The following JCHAIN variants were observed in gnomAD, a reference collection of about 807,000 sequenced individuals.
The protein encoded by JCHAIN is immunoglobulin J chain.
A neutral mutation model predicts 11.1 loss-of-function variants in JCHAIN; 5 were observed. The observed-to-expected ratio is 0.45, with a 90% CI of 0.24 to 0.95. The LOEUF (loss-of-function observed/expected upper bound fraction) is 0.95, where lower values mean the gene tolerates loss of function less well. Ranked by LOEUF, JCHAIN falls within the 40% of genes least tolerant of loss-of-function variation. The pLI is 0.21. For missense variants in JCHAIN, 165 were observed against 192.7 expected (o/e 0.86, Z 0.85); for synonymous variants, 51 against 67.8 (o/e 0.75, Z 1.22).
At chr4:70,665,189 T>C (rs1395134629) in intron 1 of JCHAIN, among the ~76,000 whole-genome samples, 4 of 152,192 alleles carry the variant, frequency 2.6e-5, no homozygotes, top group African/African-American at 9.6e-5. Context: ...AATAGGATAG[T>C]AGGAGTGCGG....
intron 2 of JCHAIN, among the ~76,000 whole-genome samples, chr4:70,661,472 G>T (rs542636012): frequency 6.6e-6 from 1 of 152,248 alleles, no homozygotes; most frequent in Admixed American, 6.5e-5. Context: ...ACTGATCAAA[G>T]GCAACTGAAA....
chr4:70,656,575 A>AAATGCTGTC, intron 3 of JCHAIN, 36 bp from the exon 4 acceptor site: 1 of 1,487,118 alleles, frequency 6.7e-7, no homozygotes, highest in East Asian at 2.3e-5. Flanking sequence ...CAATCCCCTC[A>AAATGCTGTC]AATGCTGTCT....
At position 70,659,094 on chromosome 4, in the gene JCHAIN, CT is replaced by C. The variant is rs1340836652; in HGVS notation, c.189-1804del. On this transcript the variant is annotated intron_variant, in intron 2 of 3. Coordinates refer to ENST00000254801, the MANE Select transcript of JCHAIN (RefSeq NM_144646.4). ...AGGCTACTATAAGCCAAACACTGTTCTTTTATGAATTATTGTATTTAATCCT... is the reference window on the plus strand; with the variant it reads ...AGGCTACTATAAGCCAAACACTGTTCTTTATGAATTATTGTATTTAATCCT... Among the ~76,000 whole-genome samples the C allele has an allele frequency of 7.2e-5, 11 of 152,266 alleles. No homozygotes were observed. The East Asian group carries it at 2.1e-3, about 29-fold the overall frequency.
chr4:70,656,816 C>T (rs2303411), intron 3 of JCHAIN, among the ~76,000 whole-genome samples: 2 of 152,098 alleles, frequency 1.3e-5, no homozygotes, highest in East Asian at 3.9e-4. Flanking sequence ...AGGCTTATTC[C>T]CAACTGTATA....
At chr4:70,661,815 C>T (rs1739062150) in intron 2 of JCHAIN, among the ~76,000 whole-genome samples, 1 of 152,072 alleles carries the variant, frequency 6.6e-6, no homozygotes, top group Non-Finnish European at 1.5e-5. Context: ...ATAGAAATAA[C>T]TCCATATAAA....
Position 70,662,159 on chromosome 4 carries a change from T to C in JCHAIN, c.121A>G (p.Thr41Ala). Reference sequence around the variant, plus strand: ...TCGGAAGAACGGATGATCCTGGAAGTAATCCGGGCACACTTACATTTGTTG... The same window carrying C: ...TCGGAAGAACGGATGATCCTGGAAGCAATCCGGGCACACTTACATTTGTTG... ...VDNKCKCARI[T>A]SRIIRSSEDP... The change falls in exon 2 of 4, where the codon ACT becomes GCT. Residue 41 changes from threonine (T) to alanine (A), a missense_variant. Thr to Ala is a moderately conservative substitution (Grantham distance 58). Coordinates refer to ENST00000254801, the MANE Select transcript of JCHAIN (RefSeq NM_144646.4). 6.2e-7 allele frequency: 1 copy of C among 1,612,836 alleles called. No homozygotes were observed.
intron 2 of JCHAIN, among the ~76,000 whole-genome samples, chr4:70,657,907 T>G (rs1240372880): frequency 6.6e-6 from 1 of 152,162 alleles, no homozygotes; most frequent in Non-Finnish European, 1.5e-5. Flanking sequence ...AGCTGGAACT[T>G]TTTCATCGTG....
At position 70,656,076 on chromosome 4, in the gene JCHAIN, C is replaced by A; in HGVS notation, c.*253G>T. 2.4e-6 allele frequency: 1 copy of A among 409,484 alleles called. No homozygotes were observed. Among genetic ancestry groups the A allele is most frequent in the Non-Finnish European group, 4.4e-6 (1 of 229,468 alleles). The allele number at this position is 409,484 out of a possible 1,614,324, so 25.4% of individuals were successfully genotyped here. A position where few individuals can be genotyped will look rare whatever the true frequency, so the allele number is the denominator to read the frequency against. The stretch of plus-strand genomic sequence containing the variant: ...AAACTGTATTCCTAAGAGAGCATAC[C>A]TCTTTCAGGTGAGCATGATAATTGG... On this transcript the variant is annotated 3_prime_UTR_variant, in exon 4 of 4. Coordinates refer to ENST00000254801, the MANE Select transcript of JCHAIN (RefSeq NM_144646.4).
intron 3 of JCHAIN, among the ~76,000 whole-genome samples, 180 bp downstream of exon 3, chr4:70,657,031 A>G (rs371508096): frequency 6.6e-5 from 10 of 152,306 alleles, no homozygotes; most frequent in African/African-American, 2.4e-4. Flanking sequence ...TCTGTGACAA[A>G]GTTTTATGAA....
chr4:70,665,118 A>G (rs1739126793), intron 1 of JCHAIN, among the ~76,000 whole-genome samples: 1 of 152,206 alleles, frequency 6.6e-6, no homozygotes, highest in African/African-American at 2.4e-5. Flanking sequence ...TAGATTTAAC[A>G]ACATATGCTA....
chr4:70,662,309 T>C (rs1377084068), intron 1 of JCHAIN, 94 bp from the exon 2 acceptor site: 3 of 1,119,374 alleles, frequency 2.7e-6, no homozygotes, highest in Non-Finnish European at 3.8e-6. Flanking sequence ...TGCAGAAAAA[T>C]AGTTTTATGG....
chr4:70,661,289 T>G (rs16845346), intron 2 of JCHAIN, among the ~76,000 whole-genome samples: 3,442 of 152,322 alleles, frequency 0.023, 116 homozygotes, highest in African/African-American at 0.073. Flanking sequence ...AACTCTGGAC[T>G]GTGTGTGAAA....
intron 1 of JCHAIN, among the ~76,000 whole-genome samples, chr4:70,666,068 T>G (rs1464945122): frequency 6.6e-6 from 1 of 152,192 alleles, no homozygotes; most frequent in Non-Finnish European, 1.5e-5. Context: ...GCATTCCATG[T>G]TGTACTTACA....
chr4:70,665,351 A>G (rs1216625101), intron 1 of JCHAIN, among the ~76,000 whole-genome samples: 1 of 152,216 alleles, frequency 6.6e-6, no homozygotes, highest in Non-Finnish European at 1.5e-5. Flanking sequence ...AGAGAATTAA[A>G]TGGAATATTA....
At chr4:70,664,830 C>G (rs1027336029) in intron 1 of JCHAIN, among the ~76,000 whole-genome samples, 19 of 152,168 alleles carry the variant, frequency 1.2e-4, no homozygotes, top group African/African-American at 4.1e-4. Flanking sequence ...TCTATTACGG[C>G]ATATGATTAC....
At chr4:70,664,769 A>C (rs968082679) in intron 1 of JCHAIN, among the ~76,000 whole-genome samples, 1 of 152,200 alleles carries the variant, frequency 6.6e-6, no homozygotes, top group Admixed American at 6.5e-5. Context: ...AAAAATATAG[A>C]TTGTTGAGGA....
chr4:70,663,558 A>T (rs1739098578), intron 1 of JCHAIN: 1 of 150,482 alleles, frequency 6.6e-6, no homozygotes, highest in East Asian at 2.0e-4. Flanking sequence ...CAATTAACAG[A>T]TTTTATTTTA....
intron 2 of JCHAIN, among the ~76,000 whole-genome samples, chr4:70,659,571 A>G (rs1739016373): frequency 6.8e-6 from 1 of 146,882 alleles, no homozygotes; most frequent in South Asian, 2.2e-4. Flanking sequence ...AAAAAAAAAA[A>G]AAAAAAAAAG....
chr4:70,662,253 A>C (rs1184993787), intron 1 of JCHAIN, 38 bp from the exon 2 acceptor site: 3 of 1,569,876 alleles, frequency 1.9e-6, no homozygotes, highest in Non-Finnish European at 2.6e-6. Context: ...AGGAAAACAA[A>C]GGTCAATTTA....
Sources: allele counts gnomAD v4.1 joint callset (sites outside exome capture counted in the v4.1 genomes callset), GRCh38; gene constraint gnomAD v4.1.1; transcripts MANE v1.5; gene names NCBI Gene and HGNC (gene_info 2026-07-23, HGNC 2026-07-21).